Variants in TENM2 observed in about 807,000 individuals in gnomAD.
TENM2 encodes teneurin-2.
A neutral mutation model predicts 245.2 loss-of-function variants in TENM2; 52 were observed. The observed-to-expected ratio is 0.21, with a 90% CI of 0.17 to 0.27. The LOEUF is 0.27. Ranked by LOEUF, TENM2 falls within the 10% of genes least tolerant of loss-of-function variation. The pLI, the probability that TENM2 is intolerant of heterozygous loss-of-function variation, is 1.00. For synonymous variants in TENM2, 1,363 were observed against 1,438.9 expected (o/e 0.95, Z 1.19); for missense variants, 3,046 against 3,666.8 (o/e 0.83, Z 4.37).
the TENM2 span, among the ~76,000 whole-genome samples, chr5:167,083,321 C>G: frequency 6.6e-6 from 1 of 152,116 alleles, no homozygotes; most frequent in Non-Finnish European, 1.5e-5. Flanking sequence ...TGAATCTGTG[C>G]TCTGGGAAGA....
chr5:167,548,777 C>T (rs1442358417), intron 2 of TENM2, among the ~76,000 whole-genome samples: 1 of 152,272 alleles, frequency 6.6e-6, no homozygotes, highest in African/African-American at 2.4e-5. Context: ...CACACATGCA[C>T]AGACACACAG....
the TENM2 span, among the ~76,000 whole-genome samples, chr5:167,221,182 G>A: frequency 6.6e-6 from 1 of 152,134 alleles, no homozygotes; most frequent in Non-Finnish European, 1.5e-5. Context: ...GATGGATATG[G>A]TCCCTGCCTT....
Position 167,714,660 on chromosome 5 carries a change from C to G in TENM2, c.503-161326C>G, listed in dbSNP as rs1373646525. Among the ~76,000 whole-genome samples the G allele has an allele frequency of 4.6e-5, 7 of 152,100 alleles. 1 individual carries two copies. The highest frequency in any genetic ancestry group is 1.4e-4 in the African/African-American group (6 of 41,428). ...AATTGGCTTTTCTAAGAAAATCAGA[C>G]AAATAAAAGAAACAAATTTACTGAA... On this transcript the variant is annotated intron_variant, in intron 2 of 28. Transcript: ENST00000518659.
At chr5:167,887,429 C>T (rs1005320801) in intron 3 of TENM2, among the ~76,000 whole-genome samples, 2 of 152,310 alleles carry the variant, frequency 1.3e-5, no homozygotes, top group Non-Finnish European at 2.9e-5. Context: ...CCACCCAGTC[C>T]TTCAGATTTG....
chr5:168,159,380 A>G (rs917501839), intron 12 of TENM2, among the ~76,000 whole-genome samples: 1 of 152,136 alleles, frequency 6.6e-6, no homozygotes, highest in Non-Finnish European at 1.5e-5. Context: ...TGAAATCCAG[A>G]AGACTTCCTA....
chr5:168,116,749 T>G (rs1344085214), intron 9 of TENM2, among the ~76,000 whole-genome samples: 1 of 152,014 alleles, frequency 6.6e-6, no homozygotes, highest in Non-Finnish European at 1.5e-5. Flanking sequence ...CATAGAAACA[T>G]GACAACAAAA....
At chr5:167,480,070 A>G (rs1767659724) in intron 2 of TENM2, among the ~76,000 whole-genome samples, 1 of 152,206 alleles carries the variant, frequency 6.6e-6, no homozygotes, top group South Asian at 2.1e-4. Context: ...AGTTTTAAAA[A>G]GTAATTGGGA....
the TENM2 span, among the ~76,000 whole-genome samples, chr5:167,058,411 A>G: frequency 6.6e-6 from 1 of 152,256 alleles, no homozygotes; most frequent in African/African-American, 2.4e-5. Flanking sequence ...TATGTTAATT[A>G]CTTAAAAACT....
At chr5:167,359,461 G>A (rs1015719796) in intron 1 of TENM2, among the ~76,000 whole-genome samples, 5 of 151,896 alleles carry the variant, frequency 3.3e-5, no homozygotes, top group African/African-American at 1.2e-4. Context: ...AGCTTTCCTG[G>A]ATCAGATTAT....
chr5:167,720,616 A>T (rs1759563344), intron 2 of TENM2, among the ~76,000 whole-genome samples: 1 of 152,236 alleles, frequency 6.6e-6, no homozygotes, highest in Non-Finnish European at 1.5e-5. Context: ...TTGTAAAAGG[A>T]TTCTATTCAT....
chr5:167,459,911 A>ACACAC (rs1766177915), intron 2 of TENM2, among the ~76,000 whole-genome samples: 1 of 149,576 alleles, frequency 6.7e-6, no homozygotes, highest in African/African-American at 2.5e-5. Context: ...TATAAAGATA[A>ACACAC]ACACACACAC....
intron 2 of TENM2, among the ~76,000 whole-genome samples, chr5:167,864,592 A>C (rs185388056): frequency 6.6e-6 from 1 of 152,334 alleles, no homozygotes. Context: ...ATCTGTTTCA[A>C]TGCCAATCAC....
At chr5:168,185,369 G>A (rs1760293734) in intron 13 of TENM2, among the ~76,000 whole-genome samples, 2 of 152,120 alleles carry the variant, frequency 1.3e-5, no homozygotes, top group African/African-American at 4.8e-5. Flanking sequence ...ATAATGTACT[G>A]AGCATTCATT....
the TENM2 span, among the ~76,000 whole-genome samples, chr5:167,133,151 G>A: frequency 1.3e-5 from 2 of 152,214 alleles, no homozygotes; most frequent in Non-Finnish European, 2.9e-5. Flanking sequence ...GAAAATGAGA[G>A]AGAGAGAAAC....
At chr5:168,030,787 C>T (rs1057481151) in intron 5 of TENM2, among the ~76,000 whole-genome samples, 5 of 152,100 alleles carry the variant, frequency 3.3e-5, no homozygotes, top group African/African-American at 7.2e-5. Context: ...TTTCAGATAT[C>T]GGATTAAAAG....
chr5:167,803,298 C>A (rs7714651), intron 2 of TENM2, among the ~76,000 whole-genome samples: 28,700 of 151,978 alleles, frequency 0.19, 3,590 homozygotes, highest in East Asian at 0.51. Context: ...CATTCTAAGC[C>A]TATCAGCTCT....
intron 2 of TENM2, among the ~76,000 whole-genome samples, chr5:167,429,719 G>T (rs1031975425): frequency 6.7e-6 from 1 of 148,824 alleles, no homozygotes; most frequent in South Asian, 2.1e-4. Context: ...CGATTCTCCT[G>T]CCTCAGCCTC....
chr5:167,930,178 A>G (rs1778168614), intron 3 of TENM2, among the ~76,000 whole-genome samples: 1 of 152,228 alleles, frequency 6.6e-6, no homozygotes, highest in African/African-American at 2.4e-5. Context: ...GGCCTATCTC[A>G]GATAGAGGGG....
At chr5:167,872,110 T>C (rs1437398491) in intron 2 of TENM2, among the ~76,000 whole-genome samples, 1 of 151,654 alleles carries the variant, frequency 6.6e-6, no homozygotes, top group Non-Finnish European at 1.5e-5. Flanking sequence ...CTGGGCAACA[T>C]AGTGAAACTC....
Sources: allele counts gnomAD v4.1 joint callset (sites outside exome capture counted in the v4.1 genomes callset), GRCh38; gene constraint gnomAD v4.1.1; transcripts MANE v1.5; gene names NCBI Gene and HGNC (gene_info 2026-07-23, HGNC 2026-07-21).